The following CCDC102A variants were observed in gnomAD, a reference collection of about 807,000 sequenced individuals.
CCDC102A encodes coiled-coil domain-containing protein 102A.
A neutral mutation model predicts 55.5 loss-of-function variants in CCDC102A; 40 were observed. That is an observed-to-expected ratio of 0.72 (90% CI 0.56 to 0.94). CCDC102A has a LOEUF of 0.94. Among genes scored for constraint, CCDC102A ranks in the 40% least tolerant of loss-of-function variants. The pLI, the probability that CCDC102A is intolerant of heterozygous loss-of-function variation, is 0.00. For missense variants in CCDC102A, 779 were observed against 768.6 expected (o/e 1.01, Z -0.16); for synonymous variants, 323 against 339.0 (o/e 0.95, Z 0.52).
At chr16:57,524,596 T>TAG (rs141666031) in intron 3 of CCDC102A, among the ~76,000 whole-genome samples, 2 of 148,636 alleles carry the variant, frequency 1.3e-5, no homozygotes, top group East Asian at 2.1e-4. Context: ...TATATATATA[T>TAG]AGAGAGAGAG....
intron 8 of CCDC102A, among the ~76,000 whole-genome samples, chr16:57,513,257 TG>T (rs2031896466): frequency 2.0e-5 from 3 of 152,276 alleles, no homozygotes; most frequent in South Asian, 4.1e-4. Flanking sequence ...CAGTGCAGGG[TG>T]GGCTGAGCCC....
chr16:57,528,450 C>A (rs1238166783), intron 2 of CCDC102A, 143 bp downstream of exon 2: 4 of 510,980 alleles, frequency 7.8e-6, no homozygotes, highest in African/African-American at 2.1e-5. Context: ...TGTGAGGCCC[C>A]GCAAGGGTAG....
intron 2 of CCDC102A, among the ~76,000 whole-genome samples, chr16:57,528,204 C>T (rs2032174930): frequency 6.6e-6 from 1 of 152,212 alleles, no homozygotes; most frequent in Non-Finnish European, 1.5e-5. Context: ...TTCTGTGAAG[C>T]CTGCGTCAGG....
Position 57,529,393 on chromosome 16 carries a change from C to T in CCDC102A, c.-147-69G>A. The T allele has an allele frequency of 2.3e-6, 1 of 427,512 alleles. No homozygotes were observed. 26.5% of individuals were successfully genotyped at this position (427,512 alleles called of 1,614,324 possible). On this transcript the variant is annotated intron_variant, in intron 1 of 8. Coordinates refer to ENST00000258214, the MANE Select transcript of CCDC102A (RefSeq NM_033212.4). The surrounding 1 kb of genome is among the most constrained non-coding windows in gnomAD (Gnocchi z 4.1). ...TCTCGAAGATCAGCCGCGCCAAGGC[C>T]CTGGCGGAGGGAACAGAACGGCCAA...
chr16:57,528,110 C>T (rs1392318254), intron 2 of CCDC102A, among the ~76,000 whole-genome samples: 6 of 152,214 alleles, frequency 3.9e-5, no homozygotes, highest in African/African-American at 1.4e-4. Flanking sequence ...CGAGCCACGT[C>T]GTCCTGCCCT....
At chr16:57,519,217 C>T (rs2032007851) in intron 4 of CCDC102A, among the ~76,000 whole-genome samples, 1 of 152,236 alleles carries the variant, frequency 6.6e-6, no homozygotes, top group Non-Finnish European at 1.5e-5. Flanking sequence ...AGTTCCTGCC[C>T]ACCACAGGGC....
Position 57,516,773 on chromosome 16 carries a change from G to T in CCDC102A, c.1249-310C>A, listed in dbSNP as rs985621649. Among the ~76,000 whole-genome samples the T allele has an allele frequency of 6.6e-6, 1 of 152,104 alleles. No individual in the cohort carries two copies. The highest frequency in any genetic ancestry group is 1.5e-5 in the Non-Finnish European group (1 of 68,034). ...GAGCAGGGTCGGGGTTTCCGGGGAA[G>T]GATGAGGTCTGGAGTCTTCAGGGGC... On this transcript the variant is annotated intron_variant, in intron 6 of 8. Transcript: ENST00000258214. This position sits in a 1 kb window ranked among gnomAD's most constrained non-coding sequence, Gnocchi z 4.4.
intron 8 of CCDC102A, 58 bp from the exon 9 acceptor site, chr16:57,512,928 G>A: frequency 2.7e-6 from 4 of 1,507,642 alleles, no homozygotes; most frequent in Admixed American, 1.7e-5. Flanking sequence ...CCCCGATAAG[G>A]TGGCTGCAGC....
chr16:57,535,556 C>G (rs1359564967), intron 1 of CCDC102A, among the ~76,000 whole-genome samples: 1 of 152,116 alleles, frequency 6.6e-6, no homozygotes, highest in Non-Finnish European at 1.5e-5. Flanking sequence ...ACGATGGGGT[C>G]TGCAGGCACC....
rs757189543 is a variant in CCDC102A at position 57,512,183 on chromosome 16, C to CA, written c.*557dup. 1.1e-4 allele frequency: 38 copies of CA among 360,474 alleles called. No homozygotes were observed. The highest frequency in any genetic ancestry group is 1.8e-4 in the Non-Finnish European group (36 of 203,520). 22.3% of individuals were successfully genotyped at this position (360,474 alleles called of 1,614,324 possible). ...CCTCATTCATTCATTCTTTCTTCTT[C>CA]ACATTCACTCATTTATTAAGTTACT... On this transcript the variant is annotated 3_prime_UTR_variant, in exon 9 of 9. Transcript: ENST00000258214.
rs1331830724 is a variant in CCDC102A, at chr16:57,516,091, T to A, written c.1419+202A>T. On this transcript the variant is annotated intron_variant, in intron 7 of 8. Coordinates refer to ENST00000258214, the MANE Select transcript of CCDC102A (RefSeq NM_033212.4). The surrounding 1 kb of genome is among the most constrained non-coding windows in gnomAD (Gnocchi z 4.4). ...ACACATCCATCTTGTCTTCTGTTCA[T>A]TTTTCTTCCCATCTTCCCACCCACA... Among the ~76,000 whole-genome samples the A allele has an allele frequency of 6.6e-6, 1 of 152,212 alleles. No homozygotes were observed. Among genetic ancestry groups the A allele is most frequent in the Non-Finnish European group, 1.5e-5 (1 of 68,048 alleles).
chr16:57,526,215 TCA>T lies in CCDC102A; in HGVS notation c.586-90_586-89del, dbSNP rs771882565. 2.6e-4 allele frequency: 238 copies of T among 919,040 alleles called. 1 individual carries two copies. Among genetic ancestry groups the T allele is most frequent in the Non-Finnish European group, 3.8e-4 (235 of 615,854 alleles). The allele number at this position is 919,040 out of a possible 1,614,324, so 56.9% of individuals were successfully genotyped here. A position where few individuals can be genotyped will look rare whatever the true frequency, so the allele number is the denominator to read the frequency against. ...AGCTTGATGGGTAACCTTGGGCAAG[TCA>T]CACAGTGTCTCTGGGCCTCAGTTTC... On this transcript the variant is annotated intron_variant, in intron 2 of 8. Transcript: ENST00000258214.
chr16:57,535,676 C>T (rs1220655918), intron 1 of CCDC102A, among the ~76,000 whole-genome samples: 3 of 148,428 alleles, frequency 2.0e-5, no homozygotes, highest in African/African-American at 7.4e-5. Context: ...ACTCTTCACT[C>T]TTGTACAGCA....
intron 8 of CCDC102A, 35 bp downstream of exon 8, chr16:57,515,306 C>G: frequency 7.5e-7 from 1 of 1,327,334 alleles, no homozygotes; most frequent in East Asian, 2.4e-5. Context: ...GGCTGGAAGT[C>G]TCTGCCCTGT....
chr16:57,525,794 G>T, intron 3 of CCDC102A, 107 bp downstream of exon 3: 1 of 1,015,294 alleles, frequency 9.8e-7, no homozygotes, highest in Non-Finnish European at 1.5e-6. Flanking sequence ...CCAAGATACA[G>T]TCTAAACACT....
At chr16:57,518,028 G>A in intron 6 of CCDC102A, 40 bp downstream of exon 6, 1 of 1,544,346 alleles carries the variant, frequency 6.5e-7, no homozygotes, top group South Asian at 1.2e-5. Context: ...GGATGGGGAG[G>A]TGGCAGCCCC....
At chr16:57,532,189 G>A (rs2032279168) in intron 1 of CCDC102A, among the ~76,000 whole-genome samples, 1 of 152,182 alleles carries the variant, frequency 6.6e-6, no homozygotes, top group South Asian at 2.1e-4. Flanking sequence ...ATACCCGAGA[G>A]AGTCATGTTT....
chr16:57,516,841 G>A lies in CCDC102A; in HGVS notation c.1249-378C>T, dbSNP rs931239860. On this transcript the variant is annotated intron_variant, in intron 6 of 8. Coordinates refer to ENST00000258214, the MANE Select transcript of CCDC102A (RefSeq NM_033212.4). The surrounding 1 kb of genome is among the most constrained non-coding windows in gnomAD (Gnocchi z 4.4). ...CTGGGTTGGGAATGAGCTAGGCTGG[G>A]GAATGGGTGGGTGTCTCAGAGCCCA... 6.6e-6 allele frequency among the ~76,000 whole-genome samples: 1 copy of A among 152,156 alleles called. No individual in the cohort carries two copies. The highest frequency in any genetic ancestry group is 6.5e-5 in the Admixed American group (1 of 15,272).
intron 1 of CCDC102A, among the ~76,000 whole-genome samples, chr16:57,531,230 C>G (rs1033190303): frequency 6.6e-6 from 1 of 151,920 alleles, no homozygotes; most frequent in Non-Finnish European, 1.5e-5. Context: ...TGCCTCCATT[C>G]CCCCCGTGAC....
Sources: gnomAD v4.1 joint callset for allele counts (sites outside exome capture counted in the v4.1 genomes callset) on GRCh38, gnomAD v4.1.1 for gene constraint, Gnocchi (gnomAD v3.1) non-coding constraint, MANE v1.5 for transcripts, NCBI Gene and HGNC (gene_info 2026-07-23, HGNC 2026-07-21) for gene names.